Variants in HMGCLL1 observed in about 807,000 individuals in gnomAD.
HMGCLL1 encodes 3-hydroxy-3-methylglutaryl-CoA lyase like 1.
Under a neutral mutation model 39.1 loss-of-function variants are expected in HMGCLL1, and 36 were observed. The observed-to-expected ratio is 0.92, with a 90% CI of 0.71 to 1.22. The LOEUF (loss-of-function observed/expected upper bound fraction) is 1.22, where lower values mean the gene tolerates loss of function less well. HMGCLL1 is among the 50% of genes most tolerant of loss of function. The probability of loss-of-function intolerance (pLI) is 0.00; values close to 1 mark genes in which losing one functional copy is unlikely to be tolerated. For synonymous variants in HMGCLL1, 149 were observed against 144.0 expected, an observed-to-expected ratio of 1.03 and a Z score of -0.25; for missense variants, 451 against 416.5, an observed-to-expected ratio of 1.08 and a Z score of -0.72.
At chr6:55,477,233 TATTATATTTATATAA>T (rs1765387164) in intron 7 of HMGCLL1, among the ~76,000 whole-genome samples, 1 of 17,958 alleles carries the variant, frequency 5.6e-5, no homozygotes, top group Non-Finnish European at 8.1e-5. Context: ...ATATAATATA[TATTATATTTATATAA>T]TATATAATAT....
chr6:55,547,957 T>C (rs568105186), intron 1 of HMGCLL1, among the ~76,000 whole-genome samples: 1 of 152,134 alleles, frequency 6.6e-6, no homozygotes, highest in South Asian at 2.1e-4. Flanking sequence ...GGTATCTCTC[T>C]AGAATGGAAA....
chr6:55,610,722 A>G, the HMGCLL1 span, among the ~76,000 whole-genome samples: 2 of 152,180 alleles, frequency 1.3e-5, no homozygotes, highest in Non-Finnish European at 2.9e-5. Context: ...CAACACTAAG[A>G]CACATAATCA....
chr6:55,643,371 G>A, the HMGCLL1 span, among the ~76,000 whole-genome samples: 1 of 151,846 alleles, frequency 6.6e-6, no homozygotes, highest in Non-Finnish European at 1.5e-5. Context: ...GGTTTGATTT[G>A]CATTGCTTTC....
intron 5 of HMGCLL1, among the ~76,000 whole-genome samples, chr6:55,502,834 T>G (rs773240059): frequency 1.3e-5 from 2 of 151,688 alleles, no homozygotes; most frequent in Non-Finnish European, 2.9e-5. Flanking sequence ...CTTCTGAATT[T>G]TATTTTTCTC....
At chr6:55,650,108 TA>T in the HMGCLL1 span, among the ~76,000 whole-genome samples, 1 of 75,814 alleles carries the variant, frequency 1.3e-5, no homozygotes, top group Non-Finnish European at 2.5e-5. Flanking sequence ...TATATATATA[TA>T]TATATATATA....
the HMGCLL1 span, among the ~76,000 whole-genome samples, chr6:55,641,464 G>A: frequency 5.9e-5 from 9 of 151,908 alleles, no homozygotes; most frequent in Non-Finnish European, 8.8e-5. Flanking sequence ...TGTTATATAC[G>A]TGTGTGTGTG....
chr6:55,488,590 A>G (rs1766162318), intron 7 of HMGCLL1, among the ~76,000 whole-genome samples: 1 of 152,094 alleles, frequency 6.6e-6, no homozygotes, highest in Admixed American at 6.6e-5. Flanking sequence ...GAAATAATTT[A>G]TATTGTATAT....
At chr6:55,609,141 T>A in the HMGCLL1 span, among the ~76,000 whole-genome samples, 1 of 152,174 alleles carries the variant, frequency 6.6e-6, no homozygotes, top group Non-Finnish European at 1.5e-5. Flanking sequence ...CTCAGCCTCC[T>A]CTCAGCTGGA....
Position 55,436,685 on chromosome 6 carries a change from A to C in HMGCLL1, c.922-922T>G, listed in dbSNP as rs537727313. On this transcript the variant is annotated intron_variant, in intron 8 of 8. Transcript: ENST00000274901. ...TAAAGTACTTTTTAATATCTATGAA[A>C]ACTTGTCACTTTCATAAAATAGACA... is the stretch of plus-strand genomic sequence containing the variant. Among the ~76,000 whole-genome samples, 3 of 152,130 alleles carry C rather than the reference A, an allele frequency of 2.0e-5. No homozygotes were observed. The South Asian group carries it at 6.2e-4, about 32-fold the overall frequency.
the HMGCLL1 span, among the ~76,000 whole-genome samples, chr6:55,611,974 GAA>G: frequency 6.6e-6 from 1 of 152,124 alleles, no homozygotes; most frequent in African/African-American, 2.4e-5. Flanking sequence ...GCCAGAGAAA[GAA>G]ATAAAGGGTA....
intron 7 of HMGCLL1, among the ~76,000 whole-genome samples, chr6:55,462,745 T>A (rs1464838862): frequency 6.6e-6 from 1 of 152,200 alleles, no homozygotes; most frequent in East Asian, 1.9e-4. Flanking sequence ...AAACTAATTA[T>A]ACAAACTTCT....
At chr6:55,456,278 G>A (rs1180425710) in intron 7 of HMGCLL1, among the ~76,000 whole-genome samples, 1 of 152,204 alleles carries the variant, frequency 6.6e-6, no homozygotes. Flanking sequence ...TGTGTAAACT[G>A]TAACATATTT....
At chr6:55,563,163 T>C (rs1455786953) in intron 1 of HMGCLL1, among the ~76,000 whole-genome samples, 2 of 152,158 alleles carry the variant, frequency 1.3e-5, no homozygotes, top group Non-Finnish European at 2.9e-5. Context: ...TTTGCTCTTA[T>C]GAAAATTATA....
chr6:55,486,780 G>A (rs1581844360), intron 7 of HMGCLL1, among the ~76,000 whole-genome samples: 2 of 152,054 alleles, frequency 1.3e-5, no homozygotes, highest in Non-Finnish European at 2.9e-5. Flanking sequence ...AGTACCATAA[G>A]CAGGGTGGTT....
chr6:55,661,347 G>T, the HMGCLL1 span, among the ~76,000 whole-genome samples: 13 of 151,624 alleles, frequency 8.6e-5, no homozygotes, highest in Admixed American at 7.9e-4. Context: ...TTATAGTTTT[G>T]GGTTTTACAT....
intron 4 of HMGCLL1, among the ~76,000 whole-genome samples, chr6:55,515,775 G>T (rs938609306): frequency 1.3e-5 from 2 of 151,750 alleles, no homozygotes; most frequent in African/African-American, 4.8e-5. Context: ...TCAAACCCAA[G>T]AGAAAAATAA....
intron 5 of HMGCLL1, among the ~76,000 whole-genome samples, chr6:55,503,280 T>G (rs1766987526): frequency 6.6e-6 from 1 of 151,974 alleles, no homozygotes; most frequent in South Asian, 2.1e-4. Context: ...CTCAATGACT[T>G]TGCATTGGCA....
At chr6:55,653,150 C>T in the HMGCLL1 span, among the ~76,000 whole-genome samples, 3 of 151,852 alleles carry the variant, frequency 2.0e-5, no homozygotes, top group African/African-American at 7.3e-5. Context: ...ATTAAAGAAA[C>T]AAAAAACCGG....
At chr6:55,650,134 T>TATATATAC in the HMGCLL1 span, among the ~76,000 whole-genome samples, 11 of 53,324 alleles carry the variant, frequency 2.1e-4, no homozygotes, top group South Asian at 1.5e-3. Flanking sequence ...TATATATATA[T>TATATATAC]ACACACACAC....
Sources: allele counts gnomAD v4.1 joint callset (sites outside exome capture counted in the v4.1 genomes callset), GRCh38; gene constraint gnomAD v4.1.1; transcripts MANE v1.5; gene names NCBI Gene and HGNC (gene_info 2026-07-23, HGNC 2026-07-21).